Variants in APOL2 observed in about 807,000 individuals in gnomAD.
APOL2 encodes the protein apolipoprotein L2, also known as apolipoprotein L, 2.
Under a neutral mutation model 7.1 loss-of-function variants are expected in APOL2, and 8 were observed. The ratio of observed to expected loss-of-function variants is 1.12; its 90% CI spans 0.66 to 2.03. APOL2 has a LOEUF of 2.03. Among genes scored for constraint, APOL2 ranks in the 30% most tolerant of loss-of-function variants. The probability of loss-of-function intolerance (pLI) is 0.00; values close to 1 mark genes in which losing one functional copy is unlikely to be tolerated. For missense variants in APOL2, 471 were observed against 415.1 expected (o/e 1.13, Z -1.17); for synonymous variants, 177 against 159.9 (o/e 1.11, Z -0.81).
chr22:36,232,306 A>G (rs1238170022), intron 3 of APOL2, among the ~76,000 whole-genome samples: 1 of 152,240 alleles, frequency 6.6e-6, no homozygotes, highest in Non-Finnish European at 1.5e-5. Context: ...GGGGTATCTG[A>G]GATCATGGGA....
Position 36,226,656 on chromosome 22 carries a change from C to T in APOL2, c.*748G>A, listed in dbSNP as rs2014998741. 1 of 118,384 alleles carries T rather than the reference C, an allele frequency of 8.4e-6. No individual in the cohort carries two copies. The highest frequency in any genetic ancestry group is 1.7e-5 in the Non-Finnish European group (1 of 57,742). 7.3% of individuals were successfully genotyped at this position (118,384 alleles called of 1,614,324 possible). On this transcript the variant is annotated 3_prime_UTR_variant, in exon 5 of 5. Transcript: ENST00000358502. Reference sequence around the variant, plus strand: ...AAAGACTTTATTCTTGGAAGGACATCAAACCTGGGGGGGGGTCGGTAGTGG... The same window carrying T: ...AAAGACTTTATTCTTGGAAGGACATTAAACCTGGGGGGGGGTCGGTAGTGG...
At chr22:36,232,955 C>T (rs539630553) in intron 3 of APOL2, among the ~76,000 whole-genome samples, 198 bp downstream of exon 3, 1 of 152,128 alleles carries the variant, frequency 6.6e-6, no homozygotes, top group Non-Finnish European at 1.5e-5. Context: ...GCCGTGTCAC[C>T]CCGAGGAGAG....
chr22:36,230,760 C>A (rs962786712), intron 4 of APOL2, among the ~76,000 whole-genome samples: 2 of 151,612 alleles, frequency 1.3e-5, no homozygotes, highest in Admixed American at 6.6e-5. Flanking sequence ...AACTAGGCCT[C>A]TCAGGATCCT....
At chr22:36,239,896 A>G, upstream of APOL2, 1 of 224,286 alleles carries the variant, frequency 4.5e-6, no homozygotes, top group South Asian at 6.9e-5. Context: ...GGTGGGGGAG[A>G]GAAGTCAGAC....
intron 1 of APOL2, among the ~76,000 whole-genome samples, chr22:36,235,752 G>GT (rs1569532873): frequency 0.029 from 3,239 of 111,370 alleles, 60 homozygotes; most frequent in African/African-American, 0.06. Context: ...AGGGTGGGTG[G>GT]GTGGGTGTGT....
intron 1 of APOL2, chr22:36,237,359 T>A (rs943865155): frequency 6.9e-6 from 9 of 1,306,980 alleles, no homozygotes; most frequent in African/African-American, 1.5e-5. Flanking sequence ...TTGTGGGGCA[T>A]CCTCCTTGGG....
intron 4 of APOL2, among the ~76,000 whole-genome samples, 187 bp from the exon 5 acceptor site, chr22:36,228,467 T>C (rs1395826823): frequency 6.6e-6 from 1 of 152,256 alleles, no homozygotes; most frequent in Non-Finnish European, 1.5e-5. Context: ...TATTCCTCAG[T>C]ACTTATTCCA....
intron 1 of APOL2, 75 bp from the exon 2 acceptor site, chr22:36,233,530 C>T: frequency 7.4e-7 from 1 of 1,344,166 alleles, no homozygotes. Flanking sequence ...AGAGTCTATA[C>T]ACAGGAATAG....
At chr22:36,230,839 C>G (rs549787685) in intron 4 of APOL2, among the ~76,000 whole-genome samples, 1 of 152,284 alleles carries the variant, frequency 6.6e-6, no homozygotes, top group African/African-American at 2.4e-5. Context: ...CAGCCAGCAT[C>G]CCCAGGAACA....
intron 1 of APOL2, among the ~76,000 whole-genome samples, chr22:36,235,071 C>CA (rs1244929967): frequency 2.0e-5 from 3 of 152,222 alleles, no homozygotes; most frequent in Non-Finnish European, 2.9e-5. Flanking sequence ...CTGTGAACCA[C>CA]AGCAATGCCA....
chr22:36,238,038 G>C (rs2015470396), intron 1 of APOL2, among the ~76,000 whole-genome samples: 1 of 152,096 alleles, frequency 6.6e-6, no homozygotes, highest in Non-Finnish European at 1.5e-5. Flanking sequence ...CCCTCCCCAG[G>C]CTCCCTGAGC....
At chr22:36,236,904 G>A (rs1035642022) in intron 1 of APOL2, 76 of 1,299,978 alleles carry the variant, frequency 5.8e-5, no homozygotes, top group Admixed American at 1.5e-4. Context: ...ACGGGGTGAC[G>A]GGAGGGGGTC....
chr22:36,231,534 A>C, intron 3 of APOL2, 68 bp from the exon 4 acceptor site: 1 of 1,561,576 alleles, frequency 6.4e-7, no homozygotes, highest in East Asian at 2.3e-5. Context: ...ATTGCACATT[A>C]GGTGGTTACA....
chr22:36,237,427 G>T, intron 1 of APOL2: 1 of 1,168,324 alleles, frequency 8.6e-7, no homozygotes. Flanking sequence ...TTTTATTTTT[G>T]AGAAACTGTC....
Position 36,226,477 on chromosome 22 carries a change from G to T in APOL2, c.*927C>A. 6.6e-6 allele frequency: 1 copy of T among 152,330 alleles called. No homozygotes were observed. Among genetic ancestry groups the T allele is most frequent in the Non-Finnish European group, 1.5e-5 (1 of 68,092 alleles). 9.4% of individuals were successfully genotyped at this position (152,330 alleles called of 1,614,324 possible). On this transcript the variant is annotated 3_prime_UTR_variant, in exon 5 of 5. Coordinates refer to ENST00000358502, the MANE Select transcript of APOL2 (RefSeq NM_030882.4). ...ACCTGCCTCTCAGGGTTCAAGCAGGGGACATGCACCCTTTAGTAACCTGGA... is the reference window on the plus strand; with the variant it reads ...ACCTGCCTCTCAGGGTTCAAGCAGGTGACATGCACCCTTTAGTAACCTGGA...
intron 1 of APOL2, chr22:36,236,894 A>G: frequency 7.7e-7 from 1 of 1,295,424 alleles, no homozygotes; most frequent in Non-Finnish European, 9.8e-7. Flanking sequence ...GCTGTAAGGG[A>G]CGGGGTGACG....
At chr22:36,237,962 C>A (rs373007669) in intron 1 of APOL2, among the ~76,000 whole-genome samples, 1 of 152,182 alleles carries the variant, frequency 6.6e-6, no homozygotes, top group Non-Finnish European at 1.5e-5. Flanking sequence ...ACTGTCCCCA[C>A]CATGTGCAAG....
At chr22:36,231,574 G>A (rs903997832) in intron 3 of APOL2, 108 bp from the exon 4 acceptor site, 3 of 1,382,886 alleles carry the variant, frequency 2.2e-6, no homozygotes, top group Middle Eastern at 1.8e-4. Flanking sequence ...ACTGTGATGT[G>A]GGACATGTTT....
At chr22:36,236,921 T>C in intron 1 of APOL2, 1 of 1,307,678 alleles carries the variant, frequency 7.6e-7, no homozygotes, top group Non-Finnish European at 9.7e-7. Flanking sequence ...GGTCTTCCCT[T>C]CCCCTTCTTC....
Sources: allele counts gnomAD v4.1 joint callset (sites outside exome capture counted in the v4.1 genomes callset), GRCh38; gene constraint gnomAD v4.1.1; transcripts MANE v1.5; gene names NCBI Gene and HGNC (gene_info 2026-07-23, HGNC 2026-07-21).